ZFAND3: variants seen among roughly 807,000 people sequenced by gnomAD.
The protein encoded by ZFAND3 is zinc finger AN1-type containing 3.
In ZFAND3, 10 loss-of-function variants were observed where a neutral mutation model predicts 29.6. The ratio of observed to expected loss-of-function variants is 0.34; its 90% confidence interval spans 0.21 to 0.57. The LOEUF (loss-of-function observed/expected upper bound fraction) is 0.57. Ranked by LOEUF, ZFAND3 falls within the 20% of genes least tolerant of loss-of-function variation. ZFAND3 has a pLI of 0.86. For missense variants in ZFAND3, 230 were observed against 304.5 expected (o/e 0.76, Z 1.82); for synonymous variants, 128 against 112.6 (o/e 1.14, Z -0.87).
chr6:38,151,713 C>T (rs950991453), intron 5 of ZFAND3, among the ~76,000 whole-genome samples: 1 of 152,204 alleles, frequency 6.6e-6, no homozygotes, highest in African/African-American at 2.4e-5. Context: ...ATCCACTTTC[C>T]TTTGAGAGCT....
At chr6:37,986,695 A>G (rs995335358) in intron 2 of ZFAND3, among the ~76,000 whole-genome samples, 20 of 152,256 alleles carry the variant, frequency 1.3e-4, no homozygotes, top group Admixed American at 9.1e-4. Context: ...TTCTTTCTCT[A>G]TTTAGGAAAG....
intron 5 of ZFAND3, among the ~76,000 whole-genome samples, chr6:38,123,730 AC>A (rs781242007): frequency 2.5e-4 from 38 of 152,142 alleles, no homozygotes; most frequent in Middle Eastern, 3.4e-3. Context: ...GGTGAGTGTT[AC>A]GGTTCTTAAA....
chr6:38,077,747 T>C (rs1764583200), intron 3 of ZFAND3, among the ~76,000 whole-genome samples: 1 of 152,234 alleles, frequency 6.6e-6, no homozygotes, highest in African/African-American at 2.4e-5. Flanking sequence ...TTGATCTCTA[T>C]TTCAAGATTA....
chr6:38,075,296 T>C (rs994412791), intron 3 of ZFAND3, among the ~76,000 whole-genome samples: 2 of 152,146 alleles, frequency 1.3e-5, no homozygotes, highest in African/African-American at 2.4e-5. Context: ...TTGTGATTCA[T>C]GGGAGAAGGT....
chr6:38,094,965 T>C (rs1411995114), intron 4 of ZFAND3, among the ~76,000 whole-genome samples: 1 of 152,216 alleles, frequency 6.6e-6, no homozygotes, highest in Middle Eastern at 3.2e-3. Flanking sequence ...CTCAACATTT[T>C]GTAGCATTTT....
At chr6:37,839,520 TTG>T (rs1417384498) in intron 1 of ZFAND3, among the ~76,000 whole-genome samples, 7 of 114,766 alleles carry the variant, frequency 6.1e-5, no homozygotes, top group African/African-American at 2.2e-4. Context: ...TGTTGTTGTT[TTG>T]TTTTTTTTTT....
At chr6:38,070,022 C>T (rs1010598142) in intron 3 of ZFAND3, among the ~76,000 whole-genome samples, 1 of 152,214 alleles carries the variant, frequency 6.6e-6, no homozygotes, top group South Asian at 2.1e-4. Flanking sequence ...ATTCTAACGT[C>T]ACCACCATCA....
chr6:37,924,883 A>C (rs1761454520), intron 1 of ZFAND3, among the ~76,000 whole-genome samples: 2 of 152,092 alleles, frequency 1.3e-5, no homozygotes, highest in South Asian at 4.1e-4. Context: ...TTGAACTAGG[A>C]TATGAGCAAC....
intron 4 of ZFAND3, among the ~76,000 whole-genome samples, chr6:38,103,271 A>G (rs1321184426): frequency 1.3e-5 from 2 of 152,038 alleles, no homozygotes; most frequent in African/African-American, 2.4e-5. Context: ...CCTTAAAGTC[A>G]CAGTTTCTAA....
At chr6:37,876,678 T>A (rs1424195747) in intron 1 of ZFAND3, among the ~76,000 whole-genome samples, 2 of 152,216 alleles carry the variant, frequency 1.3e-5, no homozygotes, top group African/African-American at 4.8e-5. Flanking sequence ...ATGGCTGACA[T>A]GGTGTGTGTC....
intron 1 of ZFAND3, among the ~76,000 whole-genome samples, chr6:37,919,188 A>G (rs1350237006): frequency 2.0e-5 from 3 of 151,900 alleles, no homozygotes; most frequent in South Asian, 2.1e-4. Context: ...TCCTCACCTC[A>G]TGATCTGCCT....
At position 37,966,154 on chromosome 6, in the gene ZFAND3, C is replaced by T. The variant is rs184560143; in HGVS notation, c.112+36155C>T. Among the ~76,000 whole-genome samples, 341 of 152,260 alleles carry T rather than the reference C, an allele frequency of 2.2e-3. 1 individual carries two copies. Among genetic ancestry groups the T allele is most frequent in the African/African-American group, 7.5e-3 (311 of 41,544 alleles). Reference sequence around the variant, plus strand: ...GGGAATGAATCATAGAAGAGGTTGGCATTTGCATTTTCCTTCTATGCAAAG... The same window carrying T: ...GGGAATGAATCATAGAAGAGGTTGGTATTTGCATTTTCCTTCTATGCAAAG... On this transcript the variant is annotated intron_variant, in intron 2 of 5. Coordinates refer to ENST00000287218, the MANE Select transcript of ZFAND3 (RefSeq NM_021943.3).
At chr6:37,897,810 T>C (rs1330211423) in intron 1 of ZFAND3, among the ~76,000 whole-genome samples, 1 of 152,214 alleles carries the variant, frequency 6.6e-6, no homozygotes, top group Non-Finnish European at 1.5e-5. Flanking sequence ...AAGTCTTTTG[T>C]CCAATTTAAA....
chr6:37,868,873 C>T (rs1192610788), intron 1 of ZFAND3, among the ~76,000 whole-genome samples: 2 of 152,082 alleles, frequency 1.3e-5, no homozygotes, highest in Admixed American at 6.5e-5. Flanking sequence ...GTTAAATATT[C>T]GTCTATTTTT....
Position 38,061,638 on chromosome 6 carries a change from G to C in ZFAND3, c.158G>C (p.Ser53Thr). 6.2e-7 allele frequency: 1 copy of C among 1,614,184 alleles called. No homozygotes were observed. Among genetic ancestry groups the C allele is most frequent in the African/African-American group, 1.3e-5 (1 of 75,046 alleles). ...QPDDDSAPST[S>T]NSQSDLFSEE... ...GACGATGATTCCGCTCCAAGTACAA[G>C]TAACAGCCAATCAGATTTGTTTTCC... is the stretch of plus-strand genomic sequence containing the variant. Residue 53 changes from serine to threonine, a missense_variant, in exon 3 of 6, where the codon AGT becomes ACT. This residue lies in a region of ZFAND3 where 180 missense variants were observed against 202.5 expected (regional missense o/e 0.89). Transcript: ENST00000287218.
At chr6:37,872,204 AGC>A (rs999465241) in intron 1 of ZFAND3, among the ~76,000 whole-genome samples, 5 of 152,308 alleles carry the variant, frequency 3.3e-5, no homozygotes, top group African/African-American at 1.2e-4. Context: ...TCAGGCAAAA[AGC>A]CATTTAGAAA....
chr6:37,849,087 T>C (rs909029654), intron 1 of ZFAND3, among the ~76,000 whole-genome samples: 1 of 152,224 alleles, frequency 6.6e-6, no homozygotes, highest in Admixed American at 6.5e-5. Context: ...GTAATTATGA[T>C]AAACTGCTTT....
intron 2 of ZFAND3, among the ~76,000 whole-genome samples, chr6:37,961,218 AC>A (rs1762189804): frequency 6.6e-6 from 1 of 151,964 alleles, no homozygotes; most frequent in Non-Finnish European, 1.5e-5. Context: ...GTTGGGCAGT[AC>A]TCCCTGTGGG....
chr6:37,821,657 G>T (rs1008550939), intron 1 of ZFAND3, among the ~76,000 whole-genome samples: 1 of 152,194 alleles, frequency 6.6e-6, no homozygotes, highest in Non-Finnish European at 1.5e-5. Context: ...GTAACTCATT[G>T]TAAGACATAT....
Sources: gnomAD v4.1 joint callset for allele counts (sites outside exome capture counted in the v4.1 genomes callset) on GRCh38, gnomAD v4.1.1 for gene constraint, gnomAD v4.1.1 regional missense constraint, MANE v1.5 for transcripts, NCBI Gene and HGNC (gene_info 2026-07-23, HGNC 2026-07-21) for gene names.